KANSL1L: variants seen among roughly 807,000 people sequenced by gnomAD.
KANSL1L encodes KAT8 regulatory NSL complex subunit 1 like.
In KANSL1L, 25 loss-of-function variants were observed where a neutral mutation model predicts 108.6. The observed-to-expected ratio is 0.23, with a 90% CI of 0.17 to 0.32. The LOEUF (loss-of-function observed/expected upper bound fraction) is 0.32. Ranked by LOEUF, KANSL1L falls within the 10% of genes least tolerant of loss-of-function variation. The pLI is 1.00. For synonymous variants in KANSL1L, 405 were observed against 395.1 expected (o/e 1.03, Z -0.30); for missense variants, 1,137 against 1,125.7 (o/e 1.01, Z -0.14).
chr2:210,124,771 CAAAG>C (rs1245486176), intron 3 of KANSL1L, among the ~76,000 whole-genome samples: 3 of 151,676 alleles, frequency 2.0e-5, no homozygotes, highest in Admixed American at 6.6e-5. Context: ...ACTAAGAAAA[CAAAG>C]AAAAAAGACT....
Position 210,153,714 on chromosome 2 carries a change from G to C in KANSL1L, c.869C>G (p.Thr290Ser). ...TGTGTTAACTTCTGGCTTAATTTCA[G>C]TGCATTTAGGTAAACTATTACCCAA... ...TILGNSLPKC[T>S]EIKPEVNTLT... Residue 290 changes from threonine (T) to serine (S), a missense_variant, in exon 2 of 15, where the codon ACT becomes AGT. Thr to Ser is a moderately conservative substitution (Grantham distance 58). Transcript: ENST00000281772. 2 of 1,602,458 alleles carry C rather than the reference G, an allele frequency of 1.2e-6. No homozygotes were observed. Among genetic ancestry groups the C allele is most frequent in the African/African-American group, 1.3e-5 (1 of 74,416 alleles).
chr2:210,108,164 C>A (rs1056857617), intron 3 of KANSL1L, among the ~76,000 whole-genome samples: 1 of 152,012 alleles, frequency 6.6e-6, no homozygotes, highest in African/African-American at 2.4e-5. Flanking sequence ...TGCATATAAA[C>A]AACTAAACAC....
At chr2:210,079,453 G>A (rs955774934) in intron 5 of KANSL1L, among the ~76,000 whole-genome samples, 1 of 150,292 alleles carries the variant, frequency 6.7e-6, no homozygotes, top group African/African-American at 2.5e-5. Context: ...AAAATTAGCT[G>A]GCCCTGGTGG....
At chr2:210,056,802 A>AT (rs1414980830) in intron 6 of KANSL1L, among the ~76,000 whole-genome samples, 2 of 151,902 alleles carry the variant, frequency 1.3e-5, no homozygotes, top group Non-Finnish European at 2.9e-5. Flanking sequence ...TTTCAAATGT[A>AT]TTTTCTTATT....
intron 3 of KANSL1L, among the ~76,000 whole-genome samples, chr2:210,111,376 G>C (rs2094903154): frequency 6.6e-6 from 1 of 152,058 alleles, no homozygotes; most frequent in South Asian, 2.1e-4. Flanking sequence ...CTAAGTGAAA[G>C]AGCAAAATAG....
At chr2:210,094,509 T>C (rs1345494774) in intron 5 of KANSL1L, among the ~76,000 whole-genome samples, 1 of 152,100 alleles carries the variant, frequency 6.6e-6, no homozygotes, top group Non-Finnish European at 1.5e-5. Context: ...AAATTAGGCC[T>C]CATTTGATAT....
rs562062704 is a variant in KANSL1L at position 210,052,654 on chromosome 2, C to T, written c.1756-8550G>A. ...CTTACTTTAGTTCTATTTTTTTCCC[C>T]AAAGCACAGCATTAGTTAACATTTA... On this transcript the variant is annotated intron_variant, in intron 6 of 14. Transcript: ENST00000281772. 2.6e-5 allele frequency among the ~76,000 whole-genome samples: 4 copies of T among 152,134 alleles called. No individual in the cohort carries two copies. In the South Asian group the frequency reaches 8.3e-4, roughly 32 times the overall value.
At chr2:210,161,772 A>G (rs910004591) in intron 1 of KANSL1L, among the ~76,000 whole-genome samples, 1 of 152,122 alleles carries the variant, frequency 6.6e-6, no homozygotes, top group African/African-American at 2.4e-5. Context: ...ATAGCTTTAA[A>G]TTTTATTTAT....
chr2:210,123,009 T>TTTC lies in KANSL1L; in HGVS notation c.1230+6021_1230+6022insGAA, dbSNP rs1390715060. 3.9e-5 allele frequency among the ~76,000 whole-genome samples: 6 copies of TTTC among 152,234 alleles called. No homozygotes were observed. The East Asian group carries it at 1.2e-3, about 29-fold the overall frequency. ...ACAATGAGCTATCATCTCACCCCAG[T>TTTC]TAAAATAGCTTCTATCCAAAGGTCA... On this transcript the variant is annotated intron_variant, in intron 3 of 14. Transcript: ENST00000281772.
At position 210,029,861 on chromosome 2, in the gene KANSL1L, C is replaced by A; in HGVS notation, c.2213G>T (p.Ser738Ile). 6.2e-7 allele frequency: 1 copy of A among 1,607,486 alleles called. No homozygotes were observed. Among genetic ancestry groups the A allele is most frequent in the East Asian group, 2.2e-5 (1 of 44,634 alleles). ...GACATTGGAAACAGCAGTAAAATTG[C>A]TATGGGATCCTGATTCTGTGTGTTG... ...DFQHTESGSH[S>I]NFTAVSNVNV... The change falls in exon 10 of 15, where the codon AGC (serine) becomes ATC (isoleucine). Residue 738 changes from serine to isoleucine, a missense_variant. Physicochemically the swap from Ser to Ile is moderately radical, Grantham distance 142 (BLOSUM62 -2). This residue lies in a region of KANSL1L where 575 missense variants were observed against 567.1 expected (regional missense o/e 1.01). Coordinates refer to ENST00000281772, the MANE Select transcript of KANSL1L (RefSeq NM_152519.4).
chr2:210,166,531 T>C (rs926936737), intron 1 of KANSL1L, among the ~76,000 whole-genome samples: 2 of 152,158 alleles, frequency 1.3e-5, no homozygotes, highest in African/African-American at 4.8e-5. Context: ...CAAATCTGAA[T>C]TCCTATCCCC....
intron 6 of KANSL1L, among the ~76,000 whole-genome samples, chr2:210,063,538 C>T (rs2094440143): frequency 6.6e-6 from 1 of 152,224 alleles, no homozygotes; most frequent in African/African-American, 2.4e-5. Context: ...CTCTGCAAAG[C>T]CACAGGAGCC....
chr2:210,129,013 AAC>A lies in KANSL1L; in HGVS notation c.1230+16_1230+17del, dbSNP rs755664340. ...TAACAATTTTTAACAAAAGTAGAAG[AAC>A]ACAGACAGACAATACCTTGGAGGCA... is the stretch of plus-strand genomic sequence containing the variant. On this transcript the variant is annotated intron_variant, in intron 3 of 14. Transcript: ENST00000281772. 1.3e-6 allele frequency: 2 copies of A among 1,599,314 alleles called. No individual in the cohort carries two copies. The highest frequency in any genetic ancestry group is 1.7e-4 in the Middle Eastern group (1 of 6,010).
At chr2:210,125,159 CAGG>C (rs1240262431) in intron 3 of KANSL1L, among the ~76,000 whole-genome samples, 2 of 152,100 alleles carry the variant, frequency 1.3e-5, no homozygotes, top group African/African-American at 2.4e-5. Flanking sequence ...GGGGCTGAGG[CAGG>C]AGAATTGCCT....
chr2:210,090,283 G>A (rs2094681786), intron 5 of KANSL1L, among the ~76,000 whole-genome samples: 1 of 151,984 alleles, frequency 6.6e-6, no homozygotes, highest in Non-Finnish European at 1.5e-5. Context: ...CTTACTGTAA[G>A]ACATACATTT....
chr2:210,026,239 T>G (rs1363716161), intron 12 of KANSL1L: 4 of 152,190 alleles, frequency 2.6e-5, no homozygotes, highest in Non-Finnish European at 2.9e-5. Context: ...ATAGAAAGAT[T>G]GTTACTTGAC....
Position 210,129,044 on chromosome 2 carries a change from A to C in KANSL1L, c.1217T>G (p.Ile406Ser). ...IQQLTDIHRQ[I>S]RASKGIVVLE... ...GACAGACAATACCTTGGAGGCACGA[A>C]TTTGCCTGTGAATGTCTGTTAGTTG... The change falls in exon 3 of 15, where the codon ATT becomes AGT. Residue 406 changes from isoleucine to serine, a missense_variant. Around this residue, in one of 3 missense-constraint regions of KANSL1L, gnomAD observed 556 missense variants for 537.7 expected, o/e 1.03. Coordinates refer to ENST00000281772, the MANE Select transcript of KANSL1L (RefSeq NM_152519.4). The C allele has an allele frequency of 1.2e-6, 2 of 1,613,652 alleles. No individual in the cohort carries two copies. The highest frequency in any genetic ancestry group is 1.3e-5 in the African/African-American group (1 of 75,048).
intron 1 of KANSL1L, among the ~76,000 whole-genome samples, chr2:210,166,313 A>T (rs1687960537): frequency 6.6e-6 from 1 of 152,190 alleles, no homozygotes; most frequent in South Asian, 2.1e-4. Flanking sequence ...GATAATTACC[A>T]AGTCAATAGT....
At chr2:210,109,198 T>A (rs770946338) in intron 3 of KANSL1L, among the ~76,000 whole-genome samples, 1 of 152,082 alleles carries the variant, frequency 6.6e-6, no homozygotes, top group Non-Finnish European at 1.5e-5. Flanking sequence ...TATAATTTTT[T>A]AAAAAAACAG....
Sources: allele counts gnomAD v4.1 joint callset (sites outside exome capture counted in the v4.1 genomes callset), GRCh38; gene constraint gnomAD v4.1.1; regional missense constraint gnomAD v4.1.1; transcripts MANE v1.5; gene names NCBI Gene and HGNC (gene_info 2026-07-23, HGNC 2026-07-21).